CTNNBL1: variants seen among roughly 807,000 people sequenced by gnomAD.
CTNNBL1 encodes beta-catenin-like protein 1.
In CTNNBL1, 31 loss-of-function variants were observed where a neutral mutation model predicts 72.7. That is an observed-to-expected ratio of 0.43 (90% CI 0.32 to 0.58). The LOEUF is 0.58. Ranked by LOEUF, CTNNBL1 falls within the 20% of genes least tolerant of loss-of-function variation. The pLI, the probability that CTNNBL1 is intolerant of heterozygous loss-of-function variation, is 0.08. For missense variants in CTNNBL1, 534 were observed against 725.1 expected (o/e 0.74, Z 3.03); for synonymous variants, 240 against 267.3 (o/e 0.90, Z 1.00).
chr20:37,793,622 G>C (rs954471710), intron 10 of CTNNBL1, among the ~76,000 whole-genome samples: 5 of 152,184 alleles, frequency 3.3e-5, no homozygotes, highest in South Asian at 2.1e-4. Flanking sequence ...GGCACCAGAA[G>C]TGCATGCACA....
At chr20:37,755,881 C>T (rs1488969925) in intron 4 of CTNNBL1, among the ~76,000 whole-genome samples, 2 of 152,168 alleles carry the variant, frequency 1.3e-5, no homozygotes, top group East Asian at 3.9e-4. Flanking sequence ...CACCCCCGTC[C>T]CTCATGCTCA....
At position 37,840,086 on chromosome 20, in the gene CTNNBL1, C is replaced by G. The variant is rs1478015778; in HGVS notation, c.1214-16C>G. The stretch of plus-strand genomic sequence containing the variant: ...CTCTGATCTCAGCATGTTCTCTTTT[C>G]TCTTTCCCAACCCAGAGCATGTCTG... On this transcript the variant is annotated splice_polypyrimidine_tract_variant and intron_variant, in intron 11 of 15. Coordinates refer to ENST00000361383, the MANE Select transcript of CTNNBL1 (RefSeq NM_030877.5). 1 of 1,600,582 alleles carries G rather than the reference C, an allele frequency of 6.2e-7. No individual in the cohort carries two copies. The highest frequency in any genetic ancestry group is 8.6e-7 in the Non-Finnish European group (1 of 1,168,058).
chr20:37,786,282 A>G lies in CTNNBL1; in HGVS notation c.1031+6947A>G, dbSNP rs1600486883. Among the ~76,000 whole-genome samples the G allele has an allele frequency of 2.0e-5, 3 of 152,154 alleles. No homozygotes were observed. In the East Asian group the frequency reaches 5.8e-4, roughly 29 times the overall value. ...GCCTGGCTGCTGCCTGTGTTCATTC[A>G]TGGCCCAAAGGCTCTACAGTCAACA... On this transcript the variant is annotated intron_variant, in intron 10 of 15. Coordinates refer to ENST00000361383, the MANE Select transcript of CTNNBL1 (RefSeq NM_030877.5).
At chr20:37,765,530 A>G (rs2122662319) in intron 6 of CTNNBL1, among the ~76,000 whole-genome samples, 1 of 152,340 alleles carries the variant, frequency 6.6e-6, no homozygotes, top group East Asian at 1.9e-4. Flanking sequence ...CCTAAACAAA[A>G]AACCAGTGGC....
At position 37,802,987 on chromosome 20, in the gene CTNNBL1, C is replaced by T; in HGVS notation, c.1152C>T (p.Pro384=). 1.2e-6 allele frequency: 2 copies of T among 1,614,022 alleles called. No homozygotes were observed. The highest frequency in any genetic ancestry group is 1.1e-5 in the South Asian group (1 of 91,062). ...VDILGLRTIF[P]LFMKSPRKIK... ...TTCTTGGCTTACGAACCATCTTTCC[C>T]CTCTTTATGAAATCTCCCAGGAAGA... is the stretch of plus-strand genomic sequence containing the variant. The change falls in exon 11 of 16, where the codon CCC becomes CCT. Residue 384 remains proline, a synonymous_variant. Transcript: ENST00000361383.
intron 11 of CTNNBL1, among the ~76,000 whole-genome samples, chr20:37,812,333 A>C (rs1157871393): frequency 6.6e-6 from 1 of 152,216 alleles, no homozygotes; most frequent in African/African-American, 2.4e-5. Flanking sequence ...GTTTACATAT[A>C]GGATATAAAC....
At chr20:37,767,034 A>G (rs914823846) in intron 6 of CTNNBL1, among the ~76,000 whole-genome samples, 1 of 152,090 alleles carries the variant, frequency 6.6e-6, no homozygotes, top group Non-Finnish European at 1.5e-5. Flanking sequence ...TTAACTTGCC[A>G]CTGGGGAGGC....
In CTNNBL1 at chr20:37,737,499, C is replaced by T. The variant is rs2122606982; in HGVS notation, c.326+15C>T. 2 of 1,524,360 alleles carry T rather than the reference C, an allele frequency of 1.3e-6. No individual in the cohort carries two copies. The highest frequency in any genetic ancestry group is 1.4e-5 in the African/African-American group (1 of 73,118). 94.4% of individuals were successfully genotyped at this position (1,524,360 alleles called of 1,614,324 possible). A position where few individuals can be genotyped will look rare whatever the true frequency, so the allele number is the denominator to read the frequency against. ...AATCCAGAGAAGTAAGGTTCTGTTC[C>T]ACTGATACCATGTCTCCTCTGTGGC... On this transcript the variant is annotated intron_variant, in intron 3 of 15. Coordinates refer to ENST00000361383, the MANE Select transcript of CTNNBL1 (RefSeq NM_030877.5).
intron 13 of CTNNBL1, among the ~76,000 whole-genome samples, chr20:37,845,747 C>A (rs2072341948): frequency 6.6e-6 from 1 of 152,310 alleles, no homozygotes; most frequent in South Asian, 2.1e-4. Flanking sequence ...ATGTCCTACA[C>A]CAATTGGGAG....
At position 37,868,678 on chromosome 20, in the gene CTNNBL1, T is replaced by C. The variant is rs114810310; in HGVS notation, c.1604-3247T>C. Among the ~76,000 whole-genome samples the C allele has an allele frequency of 8.1e-3, 1,237 of 152,266 alleles. 17 individuals carry two copies. Among genetic ancestry groups the C allele is most frequent in the African/African-American group, 0.028 (1,170 of 41,526 alleles). The stretch of plus-strand genomic sequence containing the variant: ...CATAGGATGGGTGCTCTGTGTACCG[T>C]CGGCATATGTAAGCGAGGCCTCGGC... On this transcript the variant is annotated intron_variant, in intron 15 of 15. Coordinates refer to ENST00000361383, the MANE Select transcript of CTNNBL1 (RefSeq NM_030877.5).
intron 4 of CTNNBL1, among the ~76,000 whole-genome samples, chr20:37,747,626 T>C (rs951681351): frequency 2.6e-5 from 4 of 152,188 alleles, no homozygotes; most frequent in African/African-American, 4.8e-5. Flanking sequence ...TCACCCTGAC[T>C]GAAGTGCAGT....
chr20:37,742,387 G>A (rs1005934625), intron 3 of CTNNBL1, among the ~76,000 whole-genome samples: 1 of 152,212 alleles, frequency 6.6e-6, no homozygotes, highest in African/African-American at 2.4e-5. Flanking sequence ...GATGTCCAGA[G>A]ATGAATAAGA....
intron 11 of CTNNBL1, among the ~76,000 whole-genome samples, chr20:37,838,125 A>G (rs1215892994): frequency 2.0e-5 from 3 of 152,208 alleles, no homozygotes; most frequent in Non-Finnish European, 4.4e-5. Flanking sequence ...TTTCAGGCGG[A>G]GGAAACAGCA....
chr20:37,817,102 A>G (rs973740125), intron 11 of CTNNBL1, among the ~76,000 whole-genome samples: 3 of 152,198 alleles, frequency 2.0e-5, no homozygotes, highest in African/African-American at 7.2e-5. Flanking sequence ...ACAGCCCCAA[A>G]TAAGTTAAGT....
intron 11 of CTNNBL1, among the ~76,000 whole-genome samples, chr20:37,819,700 G>T (rs574932180): frequency 2.0e-4 from 30 of 151,980 alleles, no homozygotes; most frequent in Admixed American, 1.8e-3. Flanking sequence ...ATTATGATTG[G>T]CTTCCCTCCT....
chr20:37,756,844 A>G (rs909152313), intron 4 of CTNNBL1, among the ~76,000 whole-genome samples: 163 of 150,902 alleles, frequency 1.1e-3, no homozygotes, highest in African/African-American at 3.9e-3. Flanking sequence ...TCAAGGTCTC[A>G]CTATGTTGCC....
intron 4 of CTNNBL1, among the ~76,000 whole-genome samples, chr20:37,753,444 A>G: frequency 6.6e-6 from 1 of 152,220 alleles, no homozygotes; most frequent in East Asian, 1.9e-4. Flanking sequence ...ATTTGTGAAC[A>G]TGGTATAAGA....
intron 1 of CTNNBL1, among the ~76,000 whole-genome samples, chr20:37,731,797 T>G (rs527589037): frequency 1.6e-4 from 25 of 152,136 alleles, no homozygotes; most frequent in African/African-American, 6.0e-4. Context: ...TATGTATACA[T>G]TTTTTTTATC....
chr20:37,852,786 G>A (rs192756587), intron 13 of CTNNBL1, among the ~76,000 whole-genome samples: 141 of 152,274 alleles, frequency 9.3e-4, no homozygotes, highest in African/African-American at 3.3e-3. Context: ...ACTCACTGCA[G>A]TGGGTTGAGT....
Sources: allele counts gnomAD v4.1 joint callset (sites outside exome capture counted in the v4.1 genomes callset), GRCh38; gene constraint gnomAD v4.1.1; transcripts MANE v1.5; gene names NCBI Gene and HGNC (gene_info 2026-07-23, HGNC 2026-07-21).